GPC6: variants seen among roughly 807,000 people sequenced by gnomAD.
The protein encoded by GPC6 is glypican-6.
Under a neutral mutation model 55.2 loss-of-function variants are expected in GPC6, and 14 were observed. The ratio of observed to expected loss-of-function variants is 0.25; its 90% confidence interval spans 0.17 to 0.40. GPC6 has a LOEUF of 0.40. Among genes scored for constraint, GPC6 ranks in the 10% least tolerant of loss-of-function variants. GPC6 has a pLI of 1.00. For missense variants in GPC6, 641 were observed against 708.5 expected (o/e 0.90, Z 1.08); for synonymous variants, 278 against 259.6 (o/e 1.07, Z -0.68).
intron 1 of GPC6, among the ~76,000 whole-genome samples, chr13:93,415,481 A>G (rs1242856740): frequency 1.3e-5 from 2 of 152,066 alleles, no homozygotes; most frequent in African/African-American, 4.8e-5. Context: ...GAAATGTATA[A>G]TTCTCATTTC....
intron 3 of GPC6, among the ~76,000 whole-genome samples, chr13:93,980,874 C>G (rs2140404565): frequency 6.6e-6 from 1 of 152,224 alleles, no homozygotes; most frequent in Non-Finnish European, 1.5e-5. Context: ...TTTCTGCTTC[C>G]TCTCACTTGC....
At chr13:93,512,974 T>G (rs1478028158) in intron 1 of GPC6, among the ~76,000 whole-genome samples, 1 of 152,194 alleles carries the variant, frequency 6.6e-6, no homozygotes, top group South Asian at 2.1e-4. Context: ...AGGTGTCCAT[T>G]TAACTTGAGT....
intron 1 of GPC6, among the ~76,000 whole-genome samples, chr13:93,236,353 A>C (rs1436827131): frequency 6.6e-6 from 1 of 152,056 alleles, no homozygotes; most frequent in Admixed American, 6.6e-5. Context: ...CATTGAACCC[A>C]AGAGCAAATT....
chr13:93,698,672 T>C (rs1322396377), intron 2 of GPC6, among the ~76,000 whole-genome samples: 2 of 151,972 alleles, frequency 1.3e-5, no homozygotes, highest in East Asian at 3.9e-4. Context: ...CTTTAAAAAA[T>C]ATGTCTGCCC....
chr13:93,345,004 A>G (rs1880380959), intron 1 of GPC6, among the ~76,000 whole-genome samples: 1 of 152,128 alleles, frequency 6.6e-6, no homozygotes, highest in Admixed American at 6.5e-5. Context: ...CTATTTTTAT[A>G]TGCTTTAAAA....
chr13:93,683,853 T>C (rs1301713475), intron 2 of GPC6, among the ~76,000 whole-genome samples: 1 of 152,142 alleles, frequency 6.6e-6, no homozygotes, highest in Non-Finnish European at 1.5e-5. Flanking sequence ...TGTCTCACAG[T>C]TCTGGAGGCT....
intron 4 of GPC6, among the ~76,000 whole-genome samples, chr13:94,218,459 C>A (rs1890285901): frequency 6.6e-6 from 1 of 152,172 alleles, no homozygotes; most frequent in African/African-American, 2.4e-5. Context: ...GACATCACTT[C>A]TTTGACAAAG....
chr13:94,289,863 G>A (rs188353902), intron 5 of GPC6, among the ~76,000 whole-genome samples: 33 of 152,124 alleles, frequency 2.2e-4, no homozygotes, highest in Non-Finnish European at 4.0e-4. Context: ...GAAATAATAC[G>A]GTTTTATGGA....
intron 1 of GPC6, among the ~76,000 whole-genome samples, chr13:93,309,874 CTTG>C (rs1472546205): frequency 6.6e-6 from 1 of 152,104 alleles, no homozygotes; most frequent in Non-Finnish European, 1.5e-5. Flanking sequence ...CTGGTTGATA[CTTG>C]TTGTACCTTC....
intron 4 of GPC6, among the ~76,000 whole-genome samples, chr13:94,276,348 C>T (rs1327493425): frequency 6.6e-6 from 1 of 152,090 alleles, no homozygotes; most frequent in Non-Finnish European, 1.5e-5. Flanking sequence ...GCTCCAAGTT[C>T]AATGTCATTT....
At chr13:93,288,148 T>C (rs1878199706) in intron 1 of GPC6, among the ~76,000 whole-genome samples, 1 of 152,154 alleles carries the variant, frequency 6.6e-6, no homozygotes, top group African/African-American at 2.4e-5. Context: ...CTTATAAAAT[T>C]GAAATAATTA....
chr13:93,685,614 G>A (rs1309072327), intron 2 of GPC6, among the ~76,000 whole-genome samples: 1 of 152,090 alleles, frequency 6.6e-6, no homozygotes, highest in Non-Finnish European at 1.5e-5. Context: ...ATTTTGAAAT[G>A]TGGGTGGTCT....
intron 6 of GPC6, among the ~76,000 whole-genome samples, chr13:94,360,411 T>C (rs1413463258): frequency 1.3e-5 from 2 of 152,150 alleles, no homozygotes; most frequent in Admixed American, 6.6e-5. Flanking sequence ...ATTGGGCAAA[T>C]AGCATTTGAT....
chr13:93,876,241 A>G (rs572905347), intron 3 of GPC6, among the ~76,000 whole-genome samples: 16 of 152,106 alleles, frequency 1.1e-4, no homozygotes, highest in Non-Finnish European at 1.5e-4. Context: ...AGCATTTATT[A>G]TATTGTTAAT....
chr13:93,933,677 G>C (rs1022773846), intron 3 of GPC6, among the ~76,000 whole-genome samples: 21 of 152,156 alleles, frequency 1.4e-4, no homozygotes, highest in African/African-American at 4.8e-4. Flanking sequence ...GTTAGTTCTT[G>C]TTAGTACTGT....
intron 6 of GPC6, among the ~76,000 whole-genome samples, chr13:94,323,613 A>G (rs9561537): frequency 0.45 from 67,745 of 151,874 alleles, 15,306 homozygotes; most frequent in East Asian, 0.61. Context: ...GGGTGCCAAG[A>G]GATGAGAATA....
At chr13:94,305,073 A>G (rs1875872372) in intron 5 of GPC6, among the ~76,000 whole-genome samples, 1 of 152,244 alleles carries the variant, frequency 6.6e-6, no homozygotes, top group African/African-American at 2.4e-5. Context: ...AGTATGTAAA[A>G]GTGAGATACA....
At chr13:94,075,319 G>T (rs955457150) in intron 4 of GPC6, among the ~76,000 whole-genome samples, 7 of 152,018 alleles carry the variant, frequency 4.6e-5, no homozygotes, top group Admixed American at 6.6e-5. Flanking sequence ...GAAGAGTTTG[G>T]ACATATGAAT....
intron 6 of GPC6, among the ~76,000 whole-genome samples, chr13:94,331,746 G>A (rs1877431549): frequency 6.6e-6 from 1 of 152,108 alleles, no homozygotes; most frequent in Admixed American, 6.5e-5. Flanking sequence ...AAGATTTTTA[G>A]GCAAGATGGA....
Sources: allele counts gnomAD v4.1 joint callset (sites outside exome capture counted in the v4.1 genomes callset), GRCh38; gene constraint gnomAD v4.1.1; transcripts MANE v1.5; gene names NCBI Gene and HGNC (gene_info 2026-07-23, HGNC 2026-07-21).